The following CHSY3 variants were observed in gnomAD, a reference collection of about 807,000 sequenced individuals.
CHSY3 encodes N-acetylgalactosaminyl-proteoglycan 3-beta-glucuronosyltransferase 3.
CHSY3 carries 35 observed loss-of-function variants against 67.2 expected under a neutral mutation model. The observed-to-expected ratio is 0.52, with a 90% CI of 0.40 to 0.69. CHSY3 has a LOEUF of 0.69. Among genes scored for constraint, CHSY3 ranks in the 30% least tolerant of loss-of-function variants. The probability of loss-of-function intolerance (pLI) is 0.00; values close to 1 mark genes in which losing one functional copy is unlikely to be tolerated. For synonymous variants in CHSY3, 474 were observed against 434.7 expected, an observed-to-expected ratio of 1.09 and a Z score of -1.12; for missense variants, 1,069 against 1,138.5, an observed-to-expected ratio of 0.94 and a Z score of 0.88.
intron 2 of CHSY3, among the ~76,000 whole-genome samples, chr5:130,090,372 G>T (rs944189857): frequency 1.3e-5 from 2 of 152,068 alleles, no homozygotes; most frequent in African/African-American, 4.8e-5. Context: ...CCTCTAGTGG[G>T]CTCCCTACAA....
chr5:129,930,519 T>TA lies in CHSY3; in HGVS notation c.1086+22160dup, dbSNP rs1410098021. ...GGAGGCATCACTGGCGGGGGGGGGG[T>TA]ATGAAGTTTTGCCTGGAGGACTTCA... On this transcript the variant is annotated intron_variant, in intron 2 of 2. Transcript: ENST00000305031. Among the ~76,000 whole-genome samples the TA allele has an allele frequency of 3.0e-4, 32 of 107,630 alleles. 1 individual carries two copies. The highest frequency in any genetic ancestry group is 4.0e-4 in the Non-Finnish European group (21 of 52,504). The allele number at this position is 107,630 out of a possible 152,430, so 70.6% of individuals were successfully genotyped here.
rs534158640 is a variant in CHSY3, at chr5:129,993,849, T to C, written c.1086+85489T>C. 7.3e-3 allele frequency among the ~76,000 whole-genome samples: 1,102 copies of C among 150,606 alleles called. 14 individuals are homozygous for C. Among genetic ancestry groups the C allele is most frequent in the African/African-American group, 0.025 (1,044 of 41,462 alleles). On this transcript the variant is annotated intron_variant, in intron 2 of 2. Coordinates refer to ENST00000305031, the MANE Select transcript of CHSY3 (RefSeq NM_175856.5). ...GGCATGTTTTTGCAGTGGCTGGTAC[T>C]GGTTGTTCCTTTCCATGTTTAGTGC...
chr5:130,054,687 A>G (rs1765472185), intron 2 of CHSY3, among the ~76,000 whole-genome samples: 2 of 152,210 alleles, frequency 1.3e-5, no homozygotes, highest in Admixed American at 6.5e-5. Context: ...TTGGAAGGAA[A>G]CCTACCACTT....
chr5:130,058,661 G>A (rs1378099352), intron 2 of CHSY3, among the ~76,000 whole-genome samples: 1 of 152,126 alleles, frequency 6.6e-6, no homozygotes, highest in Non-Finnish European at 1.5e-5. Context: ...AGATTGATTG[G>A]TTAAAAGTAT....
intron 2 of CHSY3, among the ~76,000 whole-genome samples, chr5:130,068,752 A>G (rs1765964786): frequency 6.6e-6 from 1 of 152,176 alleles, no homozygotes; most frequent in Non-Finnish European, 1.5e-5. Flanking sequence ...TGATGCCTGC[A>G]GTCAACTTAT....
intron 2 of CHSY3, among the ~76,000 whole-genome samples, chr5:130,053,706 G>T (rs1261855165): frequency 1.3e-5 from 2 of 152,028 alleles, no homozygotes; most frequent in East Asian, 3.9e-4. Flanking sequence ...GAACAAATAT[G>T]GCCAGAAAAG....
At chr5:130,066,807 C>T (rs1288341222) in intron 2 of CHSY3, among the ~76,000 whole-genome samples, 1 of 152,058 alleles carries the variant, frequency 6.6e-6, no homozygotes, top group African/African-American at 2.4e-5. Flanking sequence ...AAAAGCAAGC[C>T]TCACTGTCGG....
intron 2 of CHSY3, among the ~76,000 whole-genome samples, chr5:130,078,776 A>G (rs1043034000): frequency 6.6e-6 from 1 of 152,130 alleles, no homozygotes; most frequent in African/African-American, 2.4e-5. Flanking sequence ...TTGAACCTTC[A>G]GTGATGCTCA....
At chr5:130,006,231 G>A (rs550692644) in intron 2 of CHSY3, among the ~76,000 whole-genome samples, 1 of 152,274 alleles carries the variant, frequency 6.6e-6, no homozygotes, top group Admixed American at 6.5e-5. Context: ...GGGTAAAGTT[G>A]TGGCGTTAGG....
intron 2 of CHSY3, among the ~76,000 whole-genome samples, chr5:130,013,856 C>T (rs990563679): frequency 2.0e-5 from 3 of 152,210 alleles, no homozygotes; most frequent in Admixed American, 1.3e-4. Flanking sequence ...GTTTTAATTT[C>T]TACCCAGAAA....
chr5:130,037,144 C>A (rs1764883553), intron 2 of CHSY3, among the ~76,000 whole-genome samples: 1 of 152,050 alleles, frequency 6.6e-6, no homozygotes, highest in South Asian at 2.1e-4. Flanking sequence ...AGCAAGGAGG[C>A]AAATTGAAAG....
chr5:129,921,908 A>G (rs1474269349), intron 2 of CHSY3, among the ~76,000 whole-genome samples: 1 of 152,028 alleles, frequency 6.6e-6, no homozygotes, highest in South Asian at 2.1e-4. Flanking sequence ...ATCTATAGTC[A>G]CCCTATTGTG....
intron 2 of CHSY3, among the ~76,000 whole-genome samples, chr5:130,170,189 T>C (rs984741446): frequency 1.3e-5 from 2 of 152,092 alleles, no homozygotes; most frequent in African/African-American, 4.8e-5. Flanking sequence ...TTTATATCCA[T>C]GTGTTCCCAT....
chr5:130,172,912 T>C (rs556742447), intron 2 of CHSY3, among the ~76,000 whole-genome samples: 1 of 152,212 alleles, frequency 6.6e-6, no homozygotes, highest in African/African-American at 2.4e-5. Context: ...TTCATCCATA[T>C]TGTAGCAAGT....
chr5:130,053,071 C>A (rs758767737), intron 2 of CHSY3, among the ~76,000 whole-genome samples: 4 of 151,882 alleles, frequency 2.6e-5, no homozygotes, highest in African/African-American at 9.7e-5. Flanking sequence ...AAGGCAGTAT[C>A]CTAAAGATTA....
chr5:130,019,926 G>T (rs1764318194), intron 2 of CHSY3, among the ~76,000 whole-genome samples: 1 of 152,112 alleles, frequency 6.6e-6, no homozygotes, highest in Non-Finnish European at 1.5e-5. Flanking sequence ...GATTTGCATT[G>T]ATTTATTTTG....
At chr5:130,149,902 A>G (rs985951627) in intron 2 of CHSY3, among the ~76,000 whole-genome samples, 22 of 152,214 alleles carry the variant, frequency 1.4e-4, no homozygotes, top group Non-Finnish European at 2.1e-4. Flanking sequence ...CATTAAAATG[A>G]TGTTTATAAG....
intron 2 of CHSY3, among the ~76,000 whole-genome samples, chr5:129,955,273 T>C (rs1339030526): frequency 6.6e-6 from 1 of 152,098 alleles, no homozygotes; most frequent in Non-Finnish European, 1.5e-5. Context: ...CCTCTTTTCC[T>C]TGGAGACATC....
intron 2 of CHSY3, among the ~76,000 whole-genome samples, chr5:130,037,002 G>T (rs1299528275): frequency 6.6e-6 from 1 of 152,120 alleles, no homozygotes; most frequent in African/African-American, 2.4e-5. Flanking sequence ...GTGGCATGTA[G>T]ATCCTCCAAG....
Sources: gnomAD v4.1 joint callset for allele counts (sites outside exome capture counted in the v4.1 genomes callset) on GRCh38, gnomAD v4.1.1 for gene constraint, MANE v1.5 for transcripts, NCBI Gene and HGNC (gene_info 2026-07-23, HGNC 2026-07-21) for gene names.